HSPA12A: variants seen among roughly 807,000 people sequenced by gnomAD.
HSPA12A encodes the protein heat shock protein family A (Hsp70) member 12A.
A neutral mutation model predicts 69.2 loss-of-function variants in HSPA12A; 28 were observed. The ratio of observed to expected loss-of-function variants is 0.40; its 90% CI spans 0.30 to 0.55. HSPA12A has a LOEUF of 0.55. Ranked by LOEUF, HSPA12A falls within the 20% of genes least tolerant of loss-of-function variation. The probability of loss-of-function intolerance (pLI) is 0.38; values close to 1 mark genes in which losing one functional copy is unlikely to be tolerated. For missense variants in HSPA12A, 686 were observed against 900.7 expected (o/e 0.76, Z 3.05); for synonymous variants, 345 against 370.5 (o/e 0.93, Z 0.79).
At chr10:116,811,177 G>T (rs1845173422) in intron 2 of HSPA12A, among the ~76,000 whole-genome samples, 1 of 152,160 alleles carries the variant, frequency 6.6e-6, no homozygotes. Flanking sequence ...CTTGGGCAAA[G>T]GCTTAAGAGC....
rs569125348 is a variant in HSPA12A, at chr10:116,680,358, G to A, written c.1028-597C>T. Among the ~76,000 whole-genome samples the A allele has an allele frequency of 3.3e-5, 5 of 152,240 alleles. No individual in the cohort carries two copies. The East Asian group carries it at 9.7e-4, about 29-fold the overall frequency. Reference sequence around the variant, plus strand: ...ATTTTATCTAACTAGGACCATTATGGTATTCCAATCCAAGACATCCAAGGG... The same window carrying A: ...ATTTTATCTAACTAGGACCATTATGATATTCCAATCCAAGACATCCAAGGG... On this transcript the variant is annotated intron_variant, in intron 9 of 11. Transcript: ENST00000369209.
At chr10:116,801,210 G>A (rs1844948760) in intron 2 of HSPA12A, among the ~76,000 whole-genome samples, 1 of 152,130 alleles carries the variant, frequency 6.6e-6, no homozygotes, top group African/African-American at 2.4e-5. Flanking sequence ...CTAAGGGAAT[G>A]GACTCGGTAA....
intron 1 of HSPA12A, among the ~76,000 whole-genome samples, chr10:116,711,789 G>A (rs901879190): frequency 6.7e-6 from 1 of 149,576 alleles, no homozygotes; most frequent in African/African-American, 2.5e-5. Context: ...TCAGCCTCCC[G>A]AGTAGCTGGG....
intron 1 of HSPA12A, among the ~76,000 whole-genome samples, chr10:116,726,757 T>A (rs1554885090): frequency 6.6e-6 from 1 of 152,234 alleles, no homozygotes; most frequent in African/African-American, 2.4e-5. Context: ...TCGGGCTCAC[T>A]GTCACTTTCT....
intron 1 of HSPA12A, among the ~76,000 whole-genome samples, chr10:116,732,157 G>A (rs1207624535): frequency 8.6e-5 from 13 of 151,828 alleles, no homozygotes; most frequent in African/African-American, 2.9e-4. Flanking sequence ...GTGATGAAAC[G>A]CCGTCTCTAC....
chr10:116,732,752 T>A (rs1851200706), intron 1 of HSPA12A, among the ~76,000 whole-genome samples: 1 of 152,232 alleles, frequency 6.6e-6, no homozygotes, highest in Admixed American at 6.5e-5. Flanking sequence ...AAGTCATGAA[T>A]TTGTTAACGG....
Position 116,675,542 on chromosome 10 carries a change from T to A in HSPA12A, c.1391-124A>T. The A allele has an allele frequency of 1.1e-6, 1 of 949,858 alleles. No homozygotes were observed. The highest frequency in any genetic ancestry group is 2.6e-5 in the East Asian group (1 of 37,772). The allele number at this position is 949,858 out of a possible 1,614,324, so 58.8% of individuals were successfully genotyped here. ...TGGGCCACTGGGAGGGCAGGCTTAC[T>A]CTGAGCTCCTTGAACAGAATCTTTG... On this transcript the variant is annotated intron_variant, in intron 11 of 11. Transcript: ENST00000369209. This position sits in a 1 kb window ranked among gnomAD's most constrained non-coding sequence, Gnocchi z 5.2.
At chr10:116,757,626 G>C (rs1429179270) in intron 2 of HSPA12A, among the ~76,000 whole-genome samples, 2 of 152,198 alleles carry the variant, frequency 1.3e-5, no homozygotes, top group Non-Finnish European at 2.9e-5. Flanking sequence ...GCGGAGGTCA[G>C]GGTTAAGAGC....
At chr10:116,809,109 G>A (rs1845125894) in intron 2 of HSPA12A, among the ~76,000 whole-genome samples, 1 of 152,174 alleles carries the variant, frequency 6.6e-6, no homozygotes, top group Admixed American at 6.5e-5. Flanking sequence ...GGAAGGGGGA[G>A]GATGAGGCAC....
In HSPA12A at chr10:116,675,914, C is replaced by T. The variant is rs1849224407; in HGVS notation, c.1390+485G>A. 6.6e-6 allele frequency among the ~76,000 whole-genome samples: 1 copy of T among 152,144 alleles called. No individual in the cohort carries two copies. Among genetic ancestry groups the T allele is most frequent in the African/African-American group, 2.4e-5 (1 of 41,418 alleles). On this transcript the variant is annotated intron_variant, in intron 11 of 11. Coordinates refer to ENST00000369209, the MANE Select transcript of HSPA12A (RefSeq NM_025015.3). This position sits in a 1 kb window ranked among gnomAD's most constrained non-coding sequence, Gnocchi z 5.2. ...CAATGTAGCAGGAAAATGACATAGC[C>T]AGATTCCATTTGCTTGCAGAACTTC...
Position 116,681,811 on chromosome 10 carries a change from A to G in HSPA12A, c.902T>C (p.Ile301Thr), listed in dbSNP as rs199615590. ...GCTACCTTCCTCCAGCTCGGACCAG[A>G]TTTCTCCTATGACATTCTCCACCAA... is the stretch of plus-strand genomic sequence containing the variant. The part of the protein sequence containing the change: ...TFLVENVIGE[I>T]WSELEEGDKY... The change falls in exon 8 of 12, where the codon ATC (isoleucine) becomes ACC (threonine). Residue 301 changes from isoleucine to threonine, a missense_variant. Physicochemically the swap from Ile to Thr is moderately conservative, Grantham distance 89 (BLOSUM62 -1). Transcript: ENST00000369209. 219 of 1,613,918 alleles carry G rather than the reference A, an allele frequency of 1.4e-4. No homozygotes were observed. The highest frequency in any genetic ancestry group is 1.7e-4 in the Non-Finnish European group (198 of 1,179,930).
Position 116,674,515 on chromosome 10 carries a change from C to T in HSPA12A, c.*266G>A. On this transcript the variant is annotated 3_prime_UTR_variant, in exon 12 of 12. Transcript: ENST00000369209. Reference sequence around the variant, plus strand: ...CTGATTCCCTTCTCCGTGGCCATTTCACCACTTTTGTACCTATGAAAACTA... The same window carrying T: ...CTGATTCCCTTCTCCGTGGCCATTTTACCACTTTTGTACCTATGAAAACTA... 1 of 496,826 alleles carries T rather than the reference C, an allele frequency of 2.0e-6. No homozygotes were observed. The highest frequency in any genetic ancestry group is 3.6e-6 in the Non-Finnish European group (1 of 276,608). 30.8% of individuals were successfully genotyped at this position (496,826 alleles called of 1,614,324 possible).
Position 116,681,842 on chromosome 10 carries a change from T to A in HSPA12A, c.871A>T (p.Thr291Ser), listed in dbSNP as rs1229974481. The change falls in exon 8 of 12, where the codon ACC becomes TCC. Residue 291 changes from threonine (T) to serine (S), a missense_variant. Transcript: ENST00000369209. ...CCTATGACATTCTCCACCAAAAAGG[T>A]CCGACTCTGCCGATTACGCCGTATG... ...EHIRRNRQSR[T>S]FLVENVIGEI... The A allele has an allele frequency of 6.2e-7, 1 of 1,614,014 alleles. No homozygotes were observed. The highest frequency in any genetic ancestry group is 8.5e-7 in the Non-Finnish European group (1 of 1,180,010).
upstream of HSPA12A, among the ~76,000 whole-genome samples, chr10:116,742,954 G>A (rs1450398145): frequency 6.6e-6 from 1 of 152,134 alleles, no homozygotes; most frequent in East Asian, 1.9e-4. Context: ...AGCGCGCCCG[G>A]CGCTCTCCCG....
intron 2 of HSPA12A, among the ~76,000 whole-genome samples, chr10:116,748,790 C>T (rs1008144534): frequency 6.6e-6 from 1 of 152,144 alleles, no homozygotes; most frequent in Non-Finnish European, 1.5e-5. Context: ...GAAAGAGCTG[C>T]CCTCCTGATC....
chr10:116,762,421 C>T (rs1229854223), intron 2 of HSPA12A, among the ~76,000 whole-genome samples: 2 of 152,148 alleles, frequency 1.3e-5, no homozygotes, highest in Non-Finnish European at 2.9e-5. Context: ...TTGACTTCCT[C>T]TTCATCCCTT....
rs189941544 is a variant in HSPA12A at position 116,788,185 on chromosome 10, T to C, written c.91+46750A>G. 3.9e-5 allele frequency among the ~76,000 whole-genome samples: 6 copies of C among 152,318 alleles called. No individual in the cohort carries two copies. The East Asian group carries it at 1.2e-3, about 29-fold the overall frequency. On this transcript the variant is annotated intron_variant, in intron 2 of 12. Transcript: ENST00000635765. Reference sequence around the variant, plus strand: ...GACCAAAGCACATCCTGCAAAATTCTAGACCCCCGCAAACGGCGGGAGGCG... The same window carrying C: ...GACCAAAGCACATCCTGCAAAATTCCAGACCCCCGCAAACGGCGGGAGGCG...
intron 1 of HSPA12A, among the ~76,000 whole-genome samples, chr10:116,740,650 GTGTGTGTGTGTGTGTGTGTGTGTGTC>G (rs1351472674): frequency 0.021 from 317 of 14,932 alleles, no homozygotes; most frequent in South Asian, 0.054. Flanking sequence ...GTGTGTGTGT[GTGTGTGTGTGTGTGTGTGTGTGTGTC>G]TGTGTGTGTG....
chr10:116,753,860 T>C (rs1843761008), intron 2 of HSPA12A, among the ~76,000 whole-genome samples: 1 of 152,174 alleles, frequency 6.6e-6, no homozygotes, highest in South Asian at 2.1e-4. Context: ...AAGGAGCTCC[T>C]CGGTAGAGAA....
Sources: allele counts gnomAD v4.1 joint callset (sites outside exome capture counted in the v4.1 genomes callset), GRCh38; gene constraint gnomAD v4.1.1; non-coding constraint Gnocchi (gnomAD v3.1); transcripts MANE v1.5; gene names NCBI Gene and HGNC (gene_info 2026-07-23, HGNC 2026-07-21).